Variants in STX8 observed in about 807,000 individuals in gnomAD.
STX8 encodes syntaxin-8.
A neutral mutation model predicts 37.5 loss-of-function variants in STX8; 23 were observed. The ratio of observed to expected loss-of-function variants is 0.61; its 90% CI spans 0.44 to 0.87. The LOEUF is 0.87. STX8 is among the 40% of genes least tolerant of loss of function. The pLI, the probability that STX8 is intolerant of heterozygous loss-of-function variation, is 0.00. For missense variants in STX8, 313 were observed against 284.7 expected, an observed-to-expected ratio of 1.10 and a Z score of -0.71; for synonymous variants, 115 against 99.1, an observed-to-expected ratio of 1.16 and a Z score of -0.95.
chr17:9,337,413 CTG>C, intron 7 of STX8, among the ~76,000 whole-genome samples: 1 of 152,298 alleles, frequency 6.6e-6, no homozygotes, highest in East Asian at 1.9e-4. Context: ...GAGTCTCATT[CTG>C]TTGCCCAGGC....
At chr17:9,383,616 G>A (rs1231966921) in intron 6 of STX8, among the ~76,000 whole-genome samples, 1 of 152,138 alleles carries the variant, frequency 6.6e-6, no homozygotes, top group South Asian at 2.1e-4. Flanking sequence ...TTTATTAGAA[G>A]TCCCAGATTG....
chr17:9,340,039 T>G (rs1910291400), intron 7 of STX8, among the ~76,000 whole-genome samples: 1 of 152,258 alleles, frequency 6.6e-6, no homozygotes, highest in Non-Finnish European at 1.5e-5. Flanking sequence ...GATCCTCCCA[T>G]AGCACAGCAT....
chr17:9,575,252 C>T (rs761276680), intron 1 of STX8, among the ~76,000 whole-genome samples: 2 of 152,172 alleles, frequency 1.3e-5, no homozygotes, highest in Non-Finnish European at 2.9e-5. Flanking sequence ...GTGCAAAATG[C>T]CTTATAAACA....
At chr17:9,362,148 T>C (rs1257575626) in intron 7 of STX8, among the ~76,000 whole-genome samples, 1 of 152,152 alleles carries the variant, frequency 6.6e-6, no homozygotes, top group Admixed American at 6.6e-5. Context: ...CTGGCCACCA[T>C]GGTGAAACCC....
chr17:9,520,562 T>C (rs1246626569), intron 4 of STX8, among the ~76,000 whole-genome samples: 1 of 152,206 alleles, frequency 6.6e-6, no homozygotes, highest in African/African-American at 2.4e-5. Flanking sequence ...CATCAGTAAA[T>C]ACGTTAGATA....
chr17:9,558,023 G>A (rs1277487392), intron 2 of STX8, among the ~76,000 whole-genome samples: 1 of 152,124 alleles, frequency 6.6e-6, no homozygotes, highest in Non-Finnish European at 1.5e-5. Context: ...CCAATGAAAC[G>A]TTTTACGGCA....
intron 7 of STX8, among the ~76,000 whole-genome samples, chr17:9,373,842 G>A (rs1018235228): frequency 6.6e-6 from 1 of 151,754 alleles, no homozygotes; most frequent in Non-Finnish European, 1.5e-5. Context: ...AGGAGGCTGA[G>A]GCAGGAGAAT....
intron 7 of STX8, among the ~76,000 whole-genome samples, chr17:9,254,963 A>C (rs1009949174): frequency 7.9e-5 from 12 of 152,238 alleles, no homozygotes; most frequent in Non-Finnish European, 4.4e-5. Flanking sequence ...GGAGAAGCTG[A>C]GAAAATGTGG....
chr17:9,305,249 C>T (rs1454761533), intron 7 of STX8, among the ~76,000 whole-genome samples: 3 of 152,088 alleles, frequency 2.0e-5, no homozygotes, highest in South Asian at 2.1e-4. Context: ...TGCTCCACCA[C>T]GCCTGGCTAA....
At chr17:9,454,605 G>A (rs1044918830) in intron 6 of STX8, among the ~76,000 whole-genome samples, 4 of 151,778 alleles carry the variant, frequency 2.6e-5, no homozygotes, top group African/African-American at 7.3e-5. Context: ...GCGCAAACCC[G>A]GGAGGCGGAG....
chr17:9,573,379 C>T (rs1389943187), intron 1 of STX8, among the ~76,000 whole-genome samples: 5 of 152,138 alleles, frequency 3.3e-5, no homozygotes, highest in African/African-American at 1.2e-4. Context: ...CCCAGACATT[C>T]GTTTCTATTG....
At chr17:9,517,555 G>T (rs777508609) in intron 4 of STX8, among the ~76,000 whole-genome samples, 4 of 152,014 alleles carry the variant, frequency 2.6e-5, no homozygotes, top group Non-Finnish European at 5.9e-5. Context: ...GAGACATCCA[G>T]TGGCTTCCTC....
intron 6 of STX8, among the ~76,000 whole-genome samples, chr17:9,409,555 A>C (rs998014327): frequency 2.0e-5 from 3 of 152,168 alleles, no homozygotes; most frequent in Non-Finnish European, 2.9e-5. Flanking sequence ...TCGTTCAGGG[A>C]GAGTTTAAAA....
intron 6 of STX8, among the ~76,000 whole-genome samples, chr17:9,449,956 AATT>A (rs1472114199): frequency 6.6e-6 from 1 of 151,950 alleles, no homozygotes; most frequent in African/African-American, 2.4e-5. Flanking sequence ...CCGTCTCAAA[AATT>A]AATTAAAAAA....
intron 6 of STX8, among the ~76,000 whole-genome samples, chr17:9,382,572 C>A (rs1164835705): frequency 2.0e-5 from 3 of 152,100 alleles, no homozygotes; most frequent in Non-Finnish European, 2.9e-5. Context: ...CTAATGCTAT[C>A]CCTCCCCCAG....
intron 7 of STX8, among the ~76,000 whole-genome samples, chr17:9,285,101 G>A (rs369512442): frequency 3.0e-4 from 45 of 152,208 alleles, no homozygotes; most frequent in South Asian, 2.5e-3. Flanking sequence ...TGTATTTTTA[G>A]TAAGAGCATC....
At chr17:9,361,627 A>T (rs1245749151) in intron 7 of STX8, among the ~76,000 whole-genome samples, 1 of 152,254 alleles carries the variant, frequency 6.6e-6, no homozygotes, top group Non-Finnish European at 1.5e-5. Flanking sequence ...ATTTCTAAAA[A>T]TATTACAATT....
At chr17:9,537,368 A>G (rs2168857) in intron 4 of STX8, among the ~76,000 whole-genome samples, 150,112 of 152,314 alleles carry the variant, frequency 0.99, 74,000 homozygotes, top group Middle Eastern at 1. Context: ...CATAGAAGAC[A>G]GATGTGAGTT....
intron 6 of STX8, 48 bp downstream of exon 6, chr17:9,491,781 A>G (rs1458208098): frequency 6.8e-7 from 1 of 1,463,012 alleles, no homozygotes; most frequent in Admixed American, 1.8e-5. Context: ...TCAAGCCTTT[A>G]GTATTTATGT....
Sources: allele counts gnomAD v4.1 joint callset (sites outside exome capture counted in the v4.1 genomes callset), GRCh38; gene constraint gnomAD v4.1.1; transcripts MANE v1.5; gene names NCBI Gene and HGNC (gene_info 2026-07-23, HGNC 2026-07-21).